The following ARHGAP6 variants were observed in gnomAD, a reference collection of about 807,000 sequenced individuals.
The protein encoded by ARHGAP6 is rho GTPase-activating protein 6.
In ARHGAP6, 16 loss-of-function variants were observed where a neutral mutation model predicts 55.7. The observed-to-expected ratio is 0.29, with a 90% CI of 0.19 to 0.44. The LOEUF (loss-of-function observed/expected upper bound fraction) is 0.44. Among genes scored for constraint, ARHGAP6 ranks in the 20% least tolerant of loss-of-function variants. ARHGAP6 has a pLI of 1.00. For synonymous variants in ARHGAP6, 382 were observed against 360.9 expected (o/e 1.06, Z -0.66); for missense variants, 698 against 808.9 (o/e 0.86, Z 1.66).
rs59769849 is a variant in ARHGAP6, at chrX:11,552,493, G to A, written c.588+111748C>T. On this transcript the variant is annotated intron_variant, in intron 1 of 12. Coordinates refer to ENST00000337414, the MANE Select transcript of ARHGAP6 (RefSeq NM_013427.3). Reference sequence around the variant, plus strand: ...ATGTTCACTGTGGTAGTATTCACGAGAGCCAAGATATGGAATCAACCTAAA... The same window carrying A: ...ATGTTCACTGTGGTAGTATTCACGAAAGCCAAGATATGGAATCAACCTAAA... Among the ~76,000 whole-genome samples the A allele has an allele frequency of 6.4e-3, 594 of 92,138 alleles. 7 individuals carry two copies. Among genetic ancestry groups the A allele is most frequent in the African/African-American group, 0.023 (564 of 24,794 alleles). The allele number at this position is 92,138 out of a possible 115,157, so 80.0% of individuals were successfully genotyped here. A position where few individuals can be genotyped will look rare whatever the true frequency, so the allele number is the denominator to read the frequency against.
At chrX:11,487,933 A>C (rs1458331215) in intron 1 of ARHGAP6, among the ~76,000 whole-genome samples, 1 of 112,572 alleles carries the variant, frequency 8.9e-6, no homozygotes, top group East Asian at 2.8e-4. Context: ...TAGTGAGTGA[A>C]AGTTTGATGA....
At chrX:11,163,575 G>A (rs2045978206) in intron 9 of ARHGAP6, among the ~76,000 whole-genome samples, 1 of 112,463 alleles carries the variant, frequency 8.9e-6, no homozygotes, top group Non-Finnish European at 1.9e-5. Context: ...TGGAAATCAT[G>A]ATGGCATTTT....
At chrX:11,320,730 ATG>A (rs1459175025) in intron 1 of ARHGAP6, among the ~76,000 whole-genome samples, 1 of 107,273 alleles carries the variant, frequency 9.3e-6, no homozygotes, top group African/African-American at 3.4e-5. Context: ...GAAAAGGGAG[ATG>A]TGTGTTTTGC....
intron 1 of ARHGAP6, among the ~76,000 whole-genome samples, chrX:11,421,735 C>T (rs1003077921): frequency 1.8e-5 from 2 of 111,342 alleles, no homozygotes; most frequent in Non-Finnish European, 3.8e-5. Context: ...AGTGGTTCAC[C>T]GTGTAAATTA....
chrX:11,208,126 AT>A (rs1484573475), intron 2 of ARHGAP6, among the ~76,000 whole-genome samples: 2 of 111,653 alleles, frequency 1.8e-5, no homozygotes, highest in African/African-American at 3.3e-5. Flanking sequence ...GGGATAAAAA[AT>A]ATTGCGATAT....
chrX:11,190,066 TA>T (rs767652293), intron 3 of ARHGAP6, among the ~76,000 whole-genome samples: 1 of 111,893 alleles, frequency 8.9e-6, no homozygotes, highest in South Asian at 3.7e-4. Flanking sequence ...AAGCTAACAT[TA>T]AATCAGGTAG....
Position 11,366,755 on chromosome X carries a change from T to A in ARHGAP6, c.589-112048A>T, listed in dbSNP as rs756754588. Among the ~76,000 whole-genome samples the A allele has an allele frequency of 1.2e-4, 14 of 112,198 alleles. No individual in the cohort carries two copies. The South Asian group carries it at 4.8e-3, about 39-fold the overall frequency. On this transcript the variant is annotated intron_variant, in intron 1 of 12. Coordinates refer to ENST00000337414, the MANE Select transcript of ARHGAP6 (RefSeq NM_013427.3). Reference sequence around the variant, plus strand: ...GTTTTCACAAGGGCTAAGATGTTTTTCCCCTTTTAAGTTCTTTCCTGTGTA... The same window carrying A: ...GTTTTCACAAGGGCTAAGATGTTTTACCCCTTTTAAGTTCTTTCCTGTGTA...
chrX:11,660,543 A>ATC (rs2052688408), intron 1 of ARHGAP6, among the ~76,000 whole-genome samples: 1 of 47,056 alleles, frequency 2.1e-5, no homozygotes, highest in African/African-American at 6.7e-5. Context: ...AAAAAAAAAA[A>ATC]AAAAAAAAAA....
intron 1 of ARHGAP6, among the ~76,000 whole-genome samples, chrX:11,361,420 A>G (rs2049009195): frequency 9.0e-6 from 1 of 111,625 alleles, no homozygotes; most frequent in Non-Finnish European, 1.9e-5. Context: ...TCCCTATTTA[A>G]TAAATGGTGC....
intron 1 of ARHGAP6, among the ~76,000 whole-genome samples, chrX:11,536,070 T>C (rs921539360): frequency 5.4e-5 from 6 of 111,408 alleles, no homozygotes; most frequent in African/African-American, 1.6e-4. Context: ...CAACATAACA[T>C]AGAGCAAGGC....
At position 11,278,798 on chromosome X, in the gene ARHGAP6, C is replaced by T. The variant is rs139941627; in HGVS notation, c.589-24091G>A. Among the ~76,000 whole-genome samples, 78 of 111,338 alleles carry T rather than the reference C, an allele frequency of 7.0e-4. No individual in the cohort carries two copies. In the East Asian group the frequency reaches 0.012, roughly 17 times the overall value. ...GTCCTGCAGAGGGGAAATCATAACT[C>T]GGAGTACCTCCTAAATACACTTGCT... On this transcript the variant is annotated intron_variant, in intron 1 of 12. Transcript: ENST00000337414.
At chrX:11,372,988 T>C (rs1233176312) in intron 1 of ARHGAP6, among the ~76,000 whole-genome samples, 1 of 108,957 alleles carries the variant, frequency 9.2e-6, no homozygotes, top group Non-Finnish European at 1.9e-5. Flanking sequence ...ATGTAAATAT[T>C]GAAATAAAAA....
At chrX:11,528,345 C>T (rs916472343) in intron 1 of ARHGAP6, among the ~76,000 whole-genome samples, 1 of 112,227 alleles carries the variant, frequency 8.9e-6, no homozygotes, top group Admixed American at 9.5e-5. Flanking sequence ...AACCTTTCAG[C>T]ACAGAGGGAG....
chrX:11,330,461 T>C (rs1277373662), intron 1 of ARHGAP6, among the ~76,000 whole-genome samples: 1 of 111,639 alleles, frequency 9.0e-6, no homozygotes, highest in Non-Finnish European at 1.9e-5. Flanking sequence ...GAGAGCCCAC[T>C]AGATTTCTCA....
intron 1 of ARHGAP6, among the ~76,000 whole-genome samples, chrX:11,536,130 G>C: frequency 9.0e-6 from 1 of 111,627 alleles, no homozygotes; most frequent in Middle Eastern, 4.6e-3. Flanking sequence ...CCAGTGTAGA[G>C]GGTGGAATAG....
chrX:11,347,466 A>G (rs975267177), intron 1 of ARHGAP6, among the ~76,000 whole-genome samples: 1 of 111,972 alleles, frequency 8.9e-6, no homozygotes, highest in African/African-American at 3.2e-5. Context: ...GGATTCCCAA[A>G]TAGGAAAAGA....
chrX:11,491,988 G>A (rs1214111551), intron 1 of ARHGAP6, among the ~76,000 whole-genome samples: 4 of 108,912 alleles, frequency 3.7e-5, no homozygotes, highest in Non-Finnish European at 5.7e-5. Flanking sequence ...TTTTTCATGT[G>A]TTTTTTGGCT....
chrX:11,368,579 A>G (rs1475961150), intron 1 of ARHGAP6, among the ~76,000 whole-genome samples: 2 of 112,154 alleles, frequency 1.8e-5, no homozygotes, highest in African/African-American at 6.5e-5. Context: ...TCCATGAATT[A>G]AAATATTAGA....
chrX:11,572,254 T>C lies in ARHGAP6; in HGVS notation c.588+91987A>G, dbSNP rs753809917. Among the ~76,000 whole-genome samples the C allele has an allele frequency of 5.4e-5, 6 of 110,521 alleles. No individual in the cohort carries two copies. The South Asian group carries it at 1.6e-3, about 29-fold the overall frequency. ...GCACAATGTGCAGGTTAGTTACATA[T>C]GTATACATGTGCCACGCTGGTGTGC... is the stretch of plus-strand genomic sequence containing the variant. On this transcript the variant is annotated intron_variant, in intron 1 of 12. Coordinates refer to ENST00000337414, the MANE Select transcript of ARHGAP6 (RefSeq NM_013427.3).
Sources: gnomAD v4.1 joint callset for allele counts (sites outside exome capture counted in the v4.1 genomes callset) on GRCh38, gnomAD v4.1.1 for gene constraint, MANE v1.5 for transcripts, NCBI Gene and HGNC (gene_info 2026-07-23, HGNC 2026-07-21) for gene names.